Variants in ROR2 observed in about 807,000 individuals in gnomAD.
ROR2 encodes the protein ROR family WNT receptor 2, also known as tyrosine-protein kinase transmembrane receptor ROR2.
Under a neutral mutation model 74.9 loss-of-function variants are expected in ROR2, and 33 were observed. The observed-to-expected ratio is 0.44, with a 90% confidence interval of 0.33 to 0.59. The LOEUF (loss-of-function observed/expected upper bound fraction) is 0.59, where lower values mean the gene tolerates loss of function less well. Ranked by LOEUF, ROR2 falls within the 20% of genes least tolerant of loss-of-function variation. The pLI, the probability that ROR2 is intolerant of heterozygous loss-of-function variation, is 0.02. For missense variants in ROR2, 1,216 were observed against 1,313.8 expected (o/e 0.93, Z 1.15); for synonymous variants, 586 against 558.7 (o/e 1.05, Z -0.69).
At chr9:91,843,661 C>T (rs1054663906) in intron 1 of ROR2, among the ~76,000 whole-genome samples, 1 of 152,202 alleles carries the variant, frequency 6.6e-6, no homozygotes, top group African/African-American at 2.4e-5. Context: ...ACAGTTCCTC[C>T]GCATGCATGT....
At chr9:91,789,073 C>T (rs1232631131) in intron 1 of ROR2, among the ~76,000 whole-genome samples, 1 of 152,078 alleles carries the variant, frequency 6.6e-6, no homozygotes, top group Non-Finnish European at 1.5e-5. Context: ...GTAATGTATA[C>T]TTCACGATAG....
At chr9:91,861,064 G>C (rs1021616200) in intron 1 of ROR2, among the ~76,000 whole-genome samples, 1 of 151,922 alleles carries the variant, frequency 6.6e-6, no homozygotes, top group African/African-American at 2.4e-5. Flanking sequence ...AAAAGTACAA[G>C]GCTTACACTC....
At chr9:91,819,429 CTCTGTGTGTGT>C (rs1261360369) in intron 1 of ROR2, among the ~76,000 whole-genome samples, 3 of 151,922 alleles carry the variant, frequency 2.0e-5, no homozygotes, top group South Asian at 2.1e-4. Flanking sequence ...GTCTGTTAGT[CTCTGTGTGTGT>C]TCTGTGTGTG....
At chr9:91,938,472 T>C (rs146159966) in intron 1 of ROR2, among the ~76,000 whole-genome samples, 477 of 151,716 alleles carry the variant, frequency 3.1e-3, no homozygotes, top group African/African-American at 0.01. Context: ...AGAAAACAAA[T>C]GTGAGCCAGA....
chr9:91,798,982 G>A (rs560452904), intron 1 of ROR2, among the ~76,000 whole-genome samples: 11 of 152,202 alleles, frequency 7.2e-5, no homozygotes, highest in African/African-American at 2.2e-4. Flanking sequence ...GGAGACTTGC[G>A]ATTAAGAATT....
At chr9:91,878,543 C>T (rs1317932443) in intron 1 of ROR2, among the ~76,000 whole-genome samples, 2 of 152,214 alleles carry the variant, frequency 1.3e-5, no homozygotes, top group African/African-American at 4.8e-5. Flanking sequence ...TGGGTTTATT[C>T]ATTGTCAGTA....
At chr9:91,926,378 G>A (rs1195960394) in intron 1 of ROR2, among the ~76,000 whole-genome samples, 32 of 120,306 alleles carry the variant, frequency 2.7e-4, no homozygotes, top group Non-Finnish European at 5.2e-4. Flanking sequence ...GCAAGACTCC[G>A]TCTCAAAAAA....
At chr9:91,943,904 T>C (rs528975783) in intron 1 of ROR2, among the ~76,000 whole-genome samples, 31 of 152,238 alleles carry the variant, frequency 2.0e-4, no homozygotes, top group Admixed American at 1.3e-3. Context: ...CACCTCAACA[T>C]AGTAAAAGCC....
At chr9:91,823,294 C>A (rs1828189653) in intron 1 of ROR2, among the ~76,000 whole-genome samples, 1 of 151,356 alleles carries the variant, frequency 6.6e-6, no homozygotes, top group African/African-American at 2.4e-5. Flanking sequence ...GGGGCAGGGG[C>A]ATGTCATGAT....
intron 4 of ROR2, among the ~76,000 whole-genome samples, chr9:91,751,280 A>G (rs988771168): frequency 1.3e-5 from 2 of 152,186 alleles, no homozygotes; most frequent in Admixed American, 6.5e-5. Flanking sequence ...AATGAATTTA[A>G]CTATGTATTA....
intron 1 of ROR2, among the ~76,000 whole-genome samples, chr9:91,913,947 C>A (rs1831058222): frequency 6.6e-6 from 1 of 152,054 alleles, no homozygotes; most frequent in South Asian, 2.1e-4. Context: ...TGAAAAATGG[C>A]CCCTTGGTCA....
intron 1 of ROR2, among the ~76,000 whole-genome samples, chr9:91,918,247 G>A (rs1241978749): frequency 8.9e-5 from 8 of 89,932 alleles, no homozygotes; most frequent in African/African-American, 1.0e-4. Context: ...CAGCCTGGGC[G>A]ACAGGAGACT....
At chr9:91,740,994 G>A (rs1306985008) in intron 4 of ROR2, among the ~76,000 whole-genome samples, 1 of 152,106 alleles carries the variant, frequency 6.6e-6, no homozygotes, top group African/African-American at 2.4e-5. Flanking sequence ...TCAGGGAGGA[G>A]AGAGGGTGCT....
At chr9:91,737,280 G>T in intron 5 of ROR2, 111 bp downstream of exon 5, 1 of 1,353,094 alleles carries the variant, frequency 7.4e-7, no homozygotes, top group African/African-American at 1.4e-5. Flanking sequence ...TGAAATGGAA[G>T]AGGCACCCAC....
intron 1 of ROR2, among the ~76,000 whole-genome samples, chr9:91,896,268 G>A (rs904649340): frequency 6.6e-6 from 1 of 152,136 alleles, no homozygotes; most frequent in East Asian, 1.9e-4. Flanking sequence ...GCTCCACTGG[G>A]TATATTTGTA....
intron 1 of ROR2, among the ~76,000 whole-genome samples, chr9:91,923,205 T>C (rs769288232): frequency 6.6e-6 from 1 of 152,166 alleles, no homozygotes; most frequent in Admixed American, 6.5e-5. Flanking sequence ...CTGGCCAAAA[T>C]GCTGGGGATG....
intron 1 of ROR2, among the ~76,000 whole-genome samples, chr9:91,945,374 G>A (rs972556437): frequency 5.3e-5 from 8 of 152,190 alleles, no homozygotes; most frequent in African/African-American, 1.9e-4. Context: ...CCCTCCAGGA[G>A]GGTGTGGAAA....
intron 1 of ROR2, among the ~76,000 whole-genome samples, chr9:91,882,872 G>T (rs1830157684): frequency 6.6e-6 from 1 of 152,246 alleles, no homozygotes; most frequent in African/African-American, 2.4e-5. Context: ...CCTGATCTGG[G>T]ACTTCCAGCC....
At chr9:91,910,461 A>T (rs549632509) in intron 1 of ROR2, among the ~76,000 whole-genome samples, 1 of 150,610 alleles carries the variant, frequency 6.6e-6, no homozygotes, top group South Asian at 2.1e-4. Flanking sequence ...GGCAACAGAA[A>T]CAAAAACAGA....
Sources: gnomAD v4.1 joint callset for allele counts (sites outside exome capture counted in the v4.1 genomes callset) on GRCh38, gnomAD v4.1.1 for gene constraint, MANE v1.5 for transcripts, NCBI Gene and HGNC (gene_info 2026-07-23, HGNC 2026-07-21) for gene names.